Variants in LRRC39 observed in about 807,000 individuals in gnomAD.
LRRC39 encodes leucine rich repeat containing 39, also known as leucine-rich repeat-containing protein 39.
LRRC39 carries 35 observed loss-of-function variants against 39.7 expected under a neutral mutation model. The ratio of observed to expected loss-of-function variants is 0.88; its 90% CI spans 0.67 to 1.17. The LOEUF (loss-of-function observed/expected upper bound fraction) is 1.17, where lower values mean the gene tolerates loss of function less well. Ranked by LOEUF, LRRC39 falls within the 50% of genes most tolerant of loss-of-function variation. The pLI is 0.00. For synonymous variants in LRRC39, 113 were observed against 134.1 expected (o/e 0.84, Z 1.09); for missense variants, 357 against 385.8 (o/e 0.93, Z 0.62).
chr1:100,164,024 G>T (rs1659062846), intron 3 of LRRC39, among the ~76,000 whole-genome samples: 1 of 152,110 alleles, frequency 6.6e-6, no homozygotes, highest in Non-Finnish European at 1.5e-5. Flanking sequence ...AGTGAGCCAA[G>T]ATTGCGCCAA....
intron 7 of LRRC39, 58 bp downstream of exon 7, chr1:100,156,114 A>T: frequency 6.5e-7 from 1 of 1,531,874 alleles, no homozygotes; most frequent in South Asian, 1.2e-5. Context: ...TTGCTTGGTT[A>T]TTTTTCATAA....
chr1:100,158,414 C>T lies in LRRC39; in HGVS notation c.377-47G>A, dbSNP rs937446538. ...AGAGAGGAGTTGGATATAAAATAAT[C>T]TTTATAGTTATTAAGGTATTACAGC... On this transcript the variant is annotated intron_variant, in intron 5 of 9. Transcript: ENST00000370137. 3 of 1,534,718 alleles carry T rather than the reference C, an allele frequency of 2.0e-6. No homozygotes were observed. In the African/African-American group the frequency reaches 4.2e-5, roughly 21 times the overall value.
At chr1:100,149,236 C>T (rs907264472) in intron 9 of LRRC39, 139 bp from the exon 10 acceptor site, 1 of 1,494,870 alleles carries the variant, frequency 6.7e-7, no homozygotes, top group African/African-American at 1.4e-5. Context: ...TAACAAGGGC[C>T]AATCTGAGAA....
intron 2 of LRRC39, among the ~76,000 whole-genome samples, chr1:100,172,875 G>C (rs558328766): frequency 2.0e-5 from 3 of 151,726 alleles, no homozygotes; most frequent in East Asian, 1.9e-4. Flanking sequence ...CAGGAGAATG[G>C]CGTGAACCTG....
Position 100,160,901 on chromosome 1 carries a change from C to T in LRRC39, c.114-330G>A, listed in dbSNP as rs555409330. ...AGCCTCCCAAAGTGTTGGGATTACA[C>T]GTGTAAGCCACTGCGCCCAGCCACT... On this transcript the variant is annotated intron_variant, in intron 3 of 9. Coordinates refer to ENST00000370137, the MANE Select transcript of LRRC39 (RefSeq NM_144620.4). Among the ~76,000 whole-genome samples, 11 of 152,050 alleles carry T rather than the reference C, an allele frequency of 7.2e-5. No homozygotes were observed. In the South Asian group the frequency reaches 1.7e-3, roughly 23 times the overall value.
chr1:100,164,891 G>A (rs1385861912), intron 3 of LRRC39, among the ~76,000 whole-genome samples: 2 of 151,858 alleles, frequency 1.3e-5, no homozygotes, highest in Non-Finnish European at 2.9e-5. Context: ...TTGTTTTAGA[G>A]ATGGGGTCTC....
intron 3 of LRRC39, among the ~76,000 whole-genome samples, chr1:100,164,866 C>T (rs1000248172): frequency 1.7e-4 from 26 of 151,930 alleles, no homozygotes; most frequent in African/African-American, 4.6e-4. Context: ...CATGCCACCA[C>T]GCCCAGCTAA....
chr1:100,158,330 G>A lies in LRRC39; in HGVS notation c.414C>T (p.Tyr138=). The change falls in exon 6 of 10, where the codon TAC becomes TAT. Residue 138 remains tyrosine, a synonymous_variant. Coordinates refer to ENST00000370137, the MANE Select transcript of LRRC39 (RefSeq NM_144620.4). ...LTRLQELILS[Y]NKIKTVPKEL... ...CCTTGGGGACAGTCTTGATTTTGTTGTAGCTGAGAATCAGTTCCTGAAGTC... is the reference window on the plus strand; with the variant it reads ...CCTTGGGGACAGTCTTGATTTTGTTATAGCTGAGAATCAGTTCCTGAAGTC... 1 of 1,613,840 alleles carries A rather than the reference G, an allele frequency of 6.2e-7. No homozygotes were observed. The highest frequency in any genetic ancestry group is 8.5e-7 in the Non-Finnish European group (1 of 1,179,806).
At chr1:100,178,432 G>A (rs1283471117), upstream of LRRC39, among the ~76,000 whole-genome samples, 1 of 152,074 alleles carries the variant, frequency 6.6e-6, no homozygotes, top group African/African-American at 2.4e-5. Flanking sequence ...GAAAAATAAT[G>A]CCTATTCAAA....
At chr1:100,167,781 T>A (rs771742647) in intron 3 of LRRC39, among the ~76,000 whole-genome samples, 11 of 8,618 alleles carry the variant, frequency 1.3e-3, no homozygotes, top group African/African-American at 2.6e-3. Context: ...ATTTCAAAAA[T>A]AATAATAATA....
intron 8 of LRRC39, among the ~76,000 whole-genome samples, 192 bp from the exon 9 acceptor site, chr1:100,152,716 CT>C (rs1658145293): frequency 1.3e-5 from 2 of 152,086 alleles, no homozygotes. Flanking sequence ...AAAACACTAG[CT>C]TTAGACAACT....
chr1:100,153,274 C>G (rs1342812414), intron 8 of LRRC39, among the ~76,000 whole-genome samples: 1 of 152,082 alleles, frequency 6.6e-6, no homozygotes, highest in African/African-American at 2.4e-5. Context: ...GAAGATTAAG[C>G]TTTGGAAGAA....
intron 1 of LRRC39, 59 bp from the exon 2 acceptor site, chr1:100,173,429 T>G (rs756950308): frequency 9.9e-5 from 15 of 152,184 alleles, no homozygotes; most frequent in Non-Finnish European, 1.9e-4. Context: ...TAAAATTTAA[T>G]ATCGTGATTA....
intron 8 of LRRC39, among the ~76,000 whole-genome samples, chr1:100,153,149 A>G (rs1383323719): frequency 6.8e-6 from 1 of 148,144 alleles, no homozygotes; most frequent in Admixed American, 6.6e-5. Flanking sequence ...CTTACTTATC[A>G]TTGTGTCTTC....
In LRRC39 at chr1:100,148,702, T is replaced by C. The variant is rs1467653585; in HGVS notation, c.*340A>G. The C allele has an allele frequency of 6.2e-7, 1 of 1,613,240 alleles. No individual in the cohort carries two copies. Among genetic ancestry groups the C allele is most frequent in the Non-Finnish European group, 8.5e-7 (1 of 1,179,770 alleles). Reference sequence around the variant, plus strand: ...ATTGACCAAGGTCGAATCCAGTATTTGCAGCAGAAGGGATTCAGTCCTGCT... The same window carrying C: ...ATTGACCAAGGTCGAATCCAGTATTCGCAGCAGAAGGGATTCAGTCCTGCT... On this transcript the variant is annotated 3_prime_UTR_variant, in exon 10 of 10. Transcript: ENST00000370137.
At chr1:100,163,749 G>T (rs1275128738) in intron 3 of LRRC39, among the ~76,000 whole-genome samples, 2 of 151,932 alleles carry the variant, frequency 1.3e-5, no homozygotes, top group Non-Finnish European at 2.9e-5. Flanking sequence ...ATTCTTTCAG[G>T]TCTCTAATCG....
At chr1:100,151,126 C>CAAA (rs772782982) in intron 9 of LRRC39, among the ~76,000 whole-genome samples, 123 of 43,064 alleles carry the variant, frequency 2.9e-3, no homozygotes, top group African/African-American at 4.0e-3. Context: ...AGAAACTCCT[C>CAAA]AAAAAAAAAA....
intron 8 of LRRC39, among the ~76,000 whole-genome samples, chr1:100,153,088 T>C (rs1658173915): frequency 6.6e-6 from 1 of 152,220 alleles, no homozygotes; most frequent in South Asian, 2.1e-4. Context: ...ATATCTTAAA[T>C]ATAAAATTAG....
intron 6 of LRRC39, among the ~76,000 whole-genome samples, chr1:100,156,816 T>C (rs983477171): frequency 3.9e-5 from 6 of 152,128 alleles, no homozygotes; most frequent in Admixed American, 3.9e-4. Flanking sequence ...AGACCCTGTC[T>C]CTACAAAATA....
Sources: allele counts gnomAD v4.1 joint callset (sites outside exome capture counted in the v4.1 genomes callset), GRCh38; gene constraint gnomAD v4.1.1; transcripts MANE v1.5; gene names NCBI Gene and HGNC (gene_info 2026-07-23, HGNC 2026-07-21).